The following CYP26C1 variants were observed in gnomAD, a reference collection of about 807,000 sequenced individuals.
CYP26C1 encodes cytochrome P450 family 26 subfamily C member 1.
A neutral mutation model predicts 39.1 loss-of-function variants in CYP26C1; 41 were observed. The ratio of observed to expected loss-of-function variants is 1.05; its 90% confidence interval spans 0.82 to 1.36. The LOEUF is 1.36. Ranked by LOEUF, CYP26C1 falls within the 40% of genes most tolerant of loss-of-function variation. The pLI is 0.00. For missense variants in CYP26C1, 833 were observed against 752.0 expected, an observed-to-expected ratio of 1.11 and a Z score of -1.26; for synonymous variants, 362 against 350.8, an observed-to-expected ratio of 1.03 and a Z score of -0.36.
rs1445543870 is a variant in CYP26C1 at position 93,062,151 on chromosome 10, C to T, written c.346C>T (p.Gln116Ter). 1.9e-6 allele frequency: 3 copies of T among 1,542,162 alleles called. No homozygotes were observed. Among genetic ancestry groups the T allele is most frequent in the African/African-American group, 1.4e-5 (1 of 73,214 alleles). The change falls in exon 2 of 6, where the codon CAG becomes TAG. Residue 116 changes from glutamine to a stop codon, truncating the protein, a stop_gained. Coordinates refer to ENST00000651965, the MANE Select transcript of CYP26C1 (RefSeq NM_183374.3). LOFTEE classifies it high-confidence loss of function. ...GGGCGAGCACCGCCTGGTGCGCAGC[C>T]AGTGGCCGCAGAGTGCGCACATCCT... ...LLGEHRLVRS[Q>*]WPQSAHILLG...
chr10:93,062,945 G>T lies in CYP26C1; in HGVS notation c.655G>T (p.Glu219Ter). 6.2e-7 allele frequency: 1 copy of T among 1,602,884 alleles called. No homozygotes were observed. The change falls in exon 3 of 6, where the codon GAG (glutamate) becomes TAG (stop). Residue 219 changes from glutamate to a stop codon, truncating the protein, a stop_gained. Transcript: ENST00000651965. LOFTEE classifies it high-confidence loss of function. ...GGCCCGGACCTTCGAGCAGCTCGTGGAGAACCTCTTCTCACTGCCTCTGGA... is the reference window on the plus strand; with the variant it reads ...GGCCCGGACCTTCGAGCAGCTCGTGTAGAACCTCTTCTCACTGCCTCTGGA... ...TLARTFEQLV[E>*]NLFSLPLDVP...
chr10:93,066,735 A>T (rs2134415226), intron 5 of CYP26C1, among the ~76,000 whole-genome samples: 1 of 152,298 alleles, frequency 6.6e-6, no homozygotes, highest in Non-Finnish European at 1.5e-5. Flanking sequence ...CGACCGGTCC[A>T]GGGTTCTGGC....
chr10:93,064,960 C>T (rs1846805575), intron 4 of CYP26C1, among the ~76,000 whole-genome samples: 1 of 152,212 alleles, frequency 6.6e-6, no homozygotes. Context: ...CTCCCTTCTT[C>T]CTTCCAAAAT....
In CYP26C1 at chr10:93,068,367, CACGCACGAGACGGCTGCGGTGT is replaced by C. The variant is rs775223250; in HGVS notation, c.1242_1263del (p.His415AlafsTer51). 1.3e-5 allele frequency: 20 copies of C among 1,570,088 alleles called. 1 individual carries two copies. In the East Asian group the frequency reaches 3.2e-4, roughly 25 times the overall value. ...GGAGCGTGATGTATAGCATCCGGGA[CACGCACGAGACGGCTGCGGTGT>C]ACCGCAGCCCTCCCGAAGGCTTCGA... On this transcript the variant is annotated frameshift_variant, in exon 6 of 6. Transcript: ENST00000651965. LOFTEE classifies it high-confidence loss of function.
Position 93,068,714 on chromosome 10 carries a change from G to T in CYP26C1, c.*17G>T. The T allele has an allele frequency of 6.6e-7, 1 of 1,505,288 alleles. No homozygotes were observed. Among genetic ancestry groups the T allele is most frequent in the Non-Finnish European group, 8.9e-7 (1 of 1,125,776 alleles). The allele number at this position is 1,505,288 out of a possible 1,614,324, so 93.2% of individuals were successfully genotyped here. ...TGCCTCTGACATGCTTGCGCTCTAG[G>T]ACACGGCTTGGCCGGTGGCTATGGC... On this transcript the variant is annotated 3_prime_UTR_variant, in exon 6 of 6. Transcript: ENST00000651965.
Position 93,066,133 on chromosome 10 carries a change from G to A in CYP26C1, c.1039G>A (p.Gly347Arg), listed in dbSNP as rs1176947666. 4 of 1,340,260 alleles carry A rather than the reference G, an allele frequency of 3.0e-6. No homozygotes were observed. Among genetic ancestry groups the A allele is most frequent in the Non-Finnish European group, 2.9e-6 (3 of 1,049,934 alleles). The allele number at this position is 1,340,260 out of a possible 1,614,324, so 83.0% of individuals were successfully genotyped here. A position where few individuals can be genotyped will look rare whatever the true frequency, so the allele number is the denominator to read the frequency against. The stretch of plus-strand genomic sequence containing the variant: ...GCCCGGGGCCGCTGGGGGCAGCGAG[G>A]GGCCCCCGCCCGACTGCGGCTGCGA... ...CAPGAAGGSEGPPPDCGCEPD... is the reference protein window; with the variant it reads ...CAPGAAGGSERPPPDCGCEPD... Residue 347 changes from glycine to arginine, a missense_variant, in exon 5 of 6, where the codon GGG (glycine) becomes AGG (arginine). By Grantham distance (125) the Gly-to-Arg change is moderately radical (BLOSUM62 -2). Coordinates refer to ENST00000651965, the MANE Select transcript of CYP26C1 (RefSeq NM_183374.3).
intron 5 of CYP26C1, among the ~76,000 whole-genome samples, chr10:93,066,762 G>A (rs920191041): frequency 1.3e-5 from 2 of 152,172 alleles, no homozygotes; most frequent in African/African-American, 2.4e-5. Flanking sequence ...CAGATTCCAG[G>A]GGAGGGGGGG....
rs761504731 is a variant in CYP26C1, at chr10:93,064,414, C to G, written c.739C>G (p.Leu247Val). 1 of 1,613,982 alleles carries G rather than the reference C, an allele frequency of 6.2e-7. No individual in the cohort carries two copies. Among genetic ancestry groups the G allele is most frequent in the African/African-American group, 1.3e-5 (1 of 74,938 alleles). The change falls in exon 4 of 6, where the codon CTG becomes GTG. Residue 247 changes from leucine (L) to valine (V), a missense_variant. Coordinates refer to ENST00000651965, the MANE Select transcript of CYP26C1 (RefSeq NM_183374.3). ...GGCAAGGGACCAGCTGCATCGGCACCTGGAGGGGGCCATTTCTGAGAAGCT... is the reference window on the plus strand; with the variant it reads ...GGCAAGGGACCAGCTGCATCGGCACGTGGAGGGGGCCATTTCTGAGAAGCT... Reference protein sequence around the residue: ...IRARDQLHRHLEGAISEKLHE... With the variant: ...IRARDQLHRHVEGAISEKLHE...
rs902715066 is a variant in CYP26C1 at position 93,062,138 on chromosome 10, C to A, written c.333C>A (p.Arg111=). 20 of 1,546,040 alleles carry A rather than the reference C, an allele frequency of 1.3e-5. No individual in the cohort carries two copies. In the African/African-American group the frequency reaches 2.0e-4, roughly 16 times the overall value. The change falls in exon 2 of 6, where the codon CGC becomes CGA. Residue 111 remains arginine (R), a synonymous_variant. Coordinates refer to ENST00000651965, the MANE Select transcript of CYP26C1 (RefSeq NM_183374.3). ...NVRTILLGEH[R]LVRSQWPQSA... is the part of the protein sequence containing the mutation. ...GCACCATCCTGCTGGGCGAGCACCG[C>A]CTGGTGCGCAGCCAGTGGCCGCAGA...
At chr10:93,068,217 G>T in intron 5 of CYP26C1, 103 bp from the exon 6 acceptor site, 5 of 1,371,824 alleles carry the variant, frequency 3.6e-6, no homozygotes, top group Non-Finnish European at 4.8e-6. Context: ...GATTCCTCCT[G>T]GTTTTCGGAA....
Position 93,060,851 on chromosome 10 carries a change from T to TAAAAA in CYP26C1, c.-413_-412insAAAAA. 1.3e-5 allele frequency: 3 copies of TAAAAA among 222,756 alleles called. No homozygotes were observed. Among genetic ancestry groups the TAAAAA allele is most frequent in the Non-Finnish European group, 2.6e-5 (3 of 113,742 alleles). The allele number at this position is 222,756 out of a possible 1,614,324, so 13.8% of individuals were successfully genotyped here. ...TGGGGCGGGGGTCTGCAGACCAGGT[T>TAAAAA]GGCAACACTGGTGAGTTGCTCTTCT... On this transcript the variant is annotated 5_prime_UTR_variant, in exon 1 of 6. Coordinates refer to ENST00000651965, the MANE Select transcript of CYP26C1 (RefSeq NM_183374.3).
At position 93,061,201 on chromosome 10, in the gene CYP26C1, C is replaced by G; in HGVS notation, c.-63C>G. The G allele has an allele frequency of 6.6e-7, 1 of 1,523,244 alleles. No individual in the cohort carries two copies. Among genetic ancestry groups the G allele is most frequent in the Non-Finnish European group, 8.8e-7 (1 of 1,134,720 alleles). The allele number at this position is 1,523,244 out of a possible 1,614,324, so 94.4% of individuals were successfully genotyped here. ...AGGTGAGCACTGCGCACTGCTCGCG[C>G]CCCGGTTCTTGCGTCCCCTGCTCTC... On this transcript the variant is annotated 5_prime_UTR_variant, in exon 1 of 6. Coordinates refer to ENST00000651965, the MANE Select transcript of CYP26C1 (RefSeq NM_183374.3).
In CYP26C1 at chr10:93,065,981, C is replaced by T; in HGVS notation, c.887C>T (p.Ala296Val). 1 of 1,584,010 alleles carries T rather than the reference C, an allele frequency of 6.3e-7. No individual in the cohort carries two copies. The highest frequency in any genetic ancestry group is 8.6e-7 in the Non-Finnish European group (1 of 1,166,884). The change falls in exon 5 of 6, where the codon GCC becomes GTC. Residue 296 changes from alanine (A) to valine (V), a missense_variant. Physicochemically the swap from Ala to Val is moderately conservative, Grantham distance 64 (BLOSUM62 0). Coordinates refer to ENST00000651965, the MANE Select transcript of CYP26C1 (RefSeq NM_183374.3). ...GAGTCGGCTGTGGAGCTCCTCTTCG[C>T]CGCCTTCTTCACCACGGCCAGTGCC... ...LKESAVELLF[A>V]AFFTTASAST...
chr10:93,061,181 A>G lies in CYP26C1; in HGVS notation c.-83A>G, dbSNP rs1846741044. The G allele has an allele frequency of 1.4e-6, 2 of 1,418,850 alleles. No homozygotes were observed. The highest frequency in any genetic ancestry group is 1.9e-6 in the Non-Finnish European group (2 of 1,044,874). The allele number at this position is 1,418,850 out of a possible 1,614,324, so 87.9% of individuals were successfully genotyped here. On this transcript the variant is annotated 5_prime_UTR_variant, in exon 1 of 6. Transcript: ENST00000651965. The stretch of plus-strand genomic sequence containing the variant: ...AGGCCTTTTGCGGACGGAACAGGTG[A>G]GCACTGCGCACTGCTCGCGCCCCGG...
chr10:93,068,285 C>G, intron 5 of CYP26C1, 35 bp from the exon 6 acceptor site: 1 of 1,479,424 alleles, frequency 6.8e-7, no homozygotes, highest in South Asian at 1.4e-5. Context: ...TTCCAGGTGC[C>G]TCGTGGTCAG....
At position 93,068,597 on chromosome 10, in the gene CYP26C1, C is replaced by T. The variant is rs1029434604; in HGVS notation, c.1469C>T (p.Pro490Leu). The change falls in exon 6 of 6, where the codon CCC (proline) becomes CTC (leucine). Residue 490 changes from proline (P) to leucine (L), a missense_variant. Coordinates refer to ENST00000651965, the MANE Select transcript of CYP26C1 (RefSeq NM_183374.3). ...TGGGAACTGGCCACACCCGCCTTCC[C>T]CGCCATGCAGACGGTGCCCATCGTG... ...ARWELATPAF[P>L]AMQTVPIVHP... 3.1e-6 allele frequency: 5 copies of T among 1,598,302 alleles called. No homozygotes were observed. Among genetic ancestry groups the T allele is most frequent in the Non-Finnish European group, 8.5e-7 (1 of 1,173,290 alleles).
At chr10:93,063,151 C>T in intron 3 of CYP26C1, 156 bp downstream of exon 3, 1 of 1,394,706 alleles carries the variant, frequency 7.2e-7, no homozygotes, top group Non-Finnish European at 9.3e-7. Flanking sequence ...GTGGCGGTGG[C>T]GTGGCGGTGG....
At chr10:93,063,568 TC>T (rs1331045412) in intron 3 of CYP26C1, 2 of 985,598 alleles carry the variant, frequency 2.0e-6, no homozygotes, top group East Asian at 2.3e-4. Flanking sequence ...GGATGCCCCA[TC>T]CCGCCTTTTG....
rs140584852 is a variant in CYP26C1 at position 93,064,209 on chromosome 10, T to C, written c.706-172T>C. Reference sequence around the variant, plus strand: ...GAATGATGTTTGTGGACAGTGGACATATCCCCGACCATTTACTGAGCCCAG... The same window carrying C: ...GAATGATGTTTGTGGACAGTGGACACATCCCCGACCATTTACTGAGCCCAG... On this transcript the variant is annotated intron_variant, in intron 3 of 5. Coordinates refer to ENST00000651965, the MANE Select transcript of CYP26C1 (RefSeq NM_183374.3). The C allele has an allele frequency of 2.7e-5, 38 of 1,413,648 alleles. No individual in the cohort carries two copies. The Middle Eastern group carries it at 1.6e-3, about 58-fold the overall frequency. The allele number at this position is 1,413,648 out of a possible 1,614,324, so 87.6% of individuals were successfully genotyped here. A position where few individuals can be genotyped will look rare whatever the true frequency, so the allele number is the denominator to read the frequency against.
Sources: allele counts gnomAD v4.1 joint callset (sites outside exome capture counted in the v4.1 genomes callset), GRCh38; gene constraint gnomAD v4.1.1; transcripts MANE v1.5; gene names NCBI Gene and HGNC (gene_info 2026-07-23, HGNC 2026-07-21).